Variants in NSD1 observed in about 807,000 individuals in gnomAD.
NSD1 encodes nuclear receptor binding SET domain protein 1.
Under a neutral mutation model 242.7 loss-of-function variants are expected in NSD1, and 26 were observed. The ratio of observed to expected loss-of-function variants is 0.11; its 90% CI spans 0.08 to 0.15. The LOEUF is 0.15. Ranked by LOEUF, NSD1 falls within the 10% of genes least tolerant of loss-of-function variation. The pLI is 1.00. For missense variants in NSD1, 2,495 were observed against 3,272.8 expected (o/e 0.76, Z 5.80); for synonymous variants, 1,106 against 1,178.1 (o/e 0.94, Z 1.25).
At position 177,210,934 on chromosome 5, in the gene NSD1, A is replaced by G; in HGVS notation, c.2535A>G (p.Lys845=). The G allele has an allele frequency of 6.2e-7, 1 of 1,614,210 alleles. No homozygotes were observed. The highest frequency in any genetic ancestry group is 8.5e-7 in the Non-Finnish European group (1 of 1,180,036). Residue 845 remains lysine, a synonymous_variant, in exon 5 of 23, where the codon AAA becomes AAG. Transcript: ENST00000439151. The part of the protein sequence containing the change: ...GLKLLNNMHE[K]TRDSSDIETA... Reference sequence around the variant, plus strand: ...AACTACTGAACAATATGCATGAGAAAACCAGGGATTCAAGTGACATAGAAA... The same window carrying G: ...AACTACTGAACAATATGCATGAGAAGACCAGGGATTCAAGTGACATAGAAA...
chr5:177,280,726 A>G lies in NSD1; in HGVS notation c.5784A>G (p.Gly1928=). The change falls in exon 18 of 23, where the codon GGA becomes GGG. Residue 1928 remains glycine, a synonymous_variant. Coordinates refer to ENST00000439151, the MANE Select transcript of NSD1 (RefSeq NM_022455.5). Reference sequence around the variant, plus strand: ...GCCACCCCACAGTGTGTCCTGCCGGAGGGCGCTGTCAAAACCAGTGCTTTT... The same window carrying G: ...GCCACCCCACAGTGTGTCCTGCCGGGGGGCGCTGTCAAAACCAGTGCTTTT... The part of the protein sequence containing the change: ...YECHPTVCPA[G]GRCQNQCFSK... 1.2e-6 allele frequency: 2 copies of G among 1,614,246 alleles called. No individual in the cohort carries two copies. Among genetic ancestry groups the G allele is most frequent in the Non-Finnish European group, 8.5e-7 (1 of 1,180,042 alleles).
rs377684553 is a variant in NSD1, at chr5:177,210,864, C to G, written c.2465C>G (p.Ser822Cys). ...LKCCSSDTKGSPLASISKSGK... is the reference protein window; with the variant it reads ...LKCCSSDTKGCPLASISKSGK... ...TGCTGCTCTTCTGATACCAAAGGCT[C>G]TCCTTTGGCCAGCATTTCTAAAAGT... Residue 822 changes from serine to cysteine, a missense_variant, in exon 5 of 23, where the codon TCT becomes TGT. By Grantham distance (112) the Ser-to-Cys change is moderately radical. Coordinates refer to ENST00000439151, the MANE Select transcript of NSD1 (RefSeq NM_022455.5). 34 of 1,614,086 alleles carry G rather than the reference C, an allele frequency of 2.1e-5. No individual in the cohort carries two copies. The highest frequency in any genetic ancestry group is 1.7e-4 in the African/African-American group (13 of 74,942).
In NSD1 at chr5:177,248,344, C is replaced by T. The variant is rs1157393489; in HGVS notation, c.4641+20C>T. On this transcript the variant is annotated intron_variant, in intron 11 of 22. Coordinates refer to ENST00000439151, the MANE Select transcript of NSD1 (RefSeq NM_022455.5). The stretch of plus-strand genomic sequence containing the variant: ...TGTCAGGTAGAGAAATGTTTGCCCA[C>T]TTGTGTTTTCATTGCATGTTCATCT... 6.2e-7 allele frequency: 1 copy of T among 1,611,066 alleles called. No homozygotes were observed. The highest frequency in any genetic ancestry group is 1.1e-5 in the South Asian group (1 of 90,468).
At chr5:177,198,042 C>T (rs1477835695) in intron 3 of NSD1, among the ~76,000 whole-genome samples, 1 of 152,058 alleles carries the variant, frequency 6.6e-6, no homozygotes, top group East Asian at 1.9e-4. Flanking sequence ...AAGAGTCTTG[C>T]TCTGTCACTC....
chr5:177,244,125 T>A, intron 8 of NSD1, 70 bp from the exon 9 acceptor site: 1 of 1,122,604 alleles, frequency 8.9e-7, no homozygotes, highest in Non-Finnish European at 1.3e-6. Context: ...CAATTCAGAC[T>A]TTGGCATATA....
chr5:177,211,337 C>A lies in NSD1; in HGVS notation c.2938C>A (p.Pro980Thr), dbSNP rs1331260775. 2 of 1,614,086 alleles carry A rather than the reference C, an allele frequency of 1.2e-6. No homozygotes were observed. Among genetic ancestry groups the A allele is most frequent in the East Asian group, 2.2e-5 (1 of 44,868 alleles). The change falls in exon 5 of 23, where the codon CCT becomes ACT. Residue 980 changes from proline to threonine, a missense_variant. By Grantham distance (38) the Pro-to-Thr change is conservative. Coordinates refer to ENST00000439151, the MANE Select transcript of NSD1 (RefSeq NM_022455.5). Reference sequence around the variant, plus strand: ...CACTCAGAACTCCGCCAATCCTAGCCCTAGTGGGGGTGACTCTGCATTATC... The same window carrying A: ...CACTCAGAACTCCGCCAATCCTAGCACTAGTGGGGGTGACTCTGCATTATC... ...DGTQNSANPS[P>T]SGGDSALSGE...
At chr5:177,138,960 T>C (rs1756579449) in intron 2 of NSD1, among the ~76,000 whole-genome samples, 1 of 147,342 alleles carries the variant, frequency 6.8e-6, no homozygotes, top group Non-Finnish European at 1.5e-5. Flanking sequence ...ACTTAAAAAG[T>C]GAGGTCAGGG....
chr5:177,174,612 G>T (rs1760025001), intron 2 of NSD1, among the ~76,000 whole-genome samples: 1 of 151,840 alleles, frequency 6.6e-6, no homozygotes, highest in Admixed American at 6.6e-5. Flanking sequence ...AGGCTGGAGT[G>T]CAATGGCGTG....
chr5:177,224,243 G>A (rs1340441490), intron 5 of NSD1, among the ~76,000 whole-genome samples: 1 of 152,112 alleles, frequency 6.6e-6, no homozygotes, highest in Non-Finnish European at 1.5e-5. Context: ...AATCTGTGGG[G>A]TAGTTTGCAT....
At chr5:177,159,898 T>A (rs113510039) in intron 2 of NSD1, among the ~76,000 whole-genome samples, 37 of 148,720 alleles carry the variant, frequency 2.5e-4, no homozygotes, top group South Asian at 8.5e-4. Flanking sequence ...CGAATATATT[T>A]TTTTTTTTTT....
intron 3 of NSD1, among the ~76,000 whole-genome samples, chr5:177,195,039 A>G (rs1761999994): frequency 1.3e-5 from 2 of 151,988 alleles, no homozygotes; most frequent in Non-Finnish European, 2.9e-5. Context: ...TGCTCCTACA[A>G]TCCCAGCTAC....
rs1294595822 is a variant in NSD1, at chr5:177,275,328, T to C, written c.5622+1544T>C. 6.6e-5 allele frequency among the ~76,000 whole-genome samples: 10 copies of C among 152,104 alleles called. No individual in the cohort carries two copies. In the South Asian group the frequency reaches 8.3e-4, roughly 13 times the overall value. On this transcript the variant is annotated intron_variant, in intron 17 of 22. Coordinates refer to ENST00000439151, the MANE Select transcript of NSD1 (RefSeq NM_022455.5). ...GTGTAGTAGACGGTCTTTTATACTT[T>C]TTTTAAACGACAATGCAGTACTTTG...
At chr5:177,167,483 C>G (rs945233429) in intron 2 of NSD1, among the ~76,000 whole-genome samples, 1 of 151,748 alleles carries the variant, frequency 6.6e-6, no homozygotes, top group Admixed American at 6.6e-5. Flanking sequence ...TGCGGTGAGC[C>G]GAGATCGCGC....
chr5:177,223,547 T>G (rs752034456), intron 5 of NSD1, among the ~76,000 whole-genome samples: 1 of 151,966 alleles, frequency 6.6e-6, no homozygotes, highest in Non-Finnish European at 1.5e-5. Flanking sequence ...CACTCTACCC[T>G]GGGCGACAGA....
At chr5:177,209,549 T>TTA in intron 4 of NSD1, 87 bp from the exon 5 acceptor site, 16 of 732,756 alleles carry the variant, frequency 2.2e-5, no homozygotes, top group Non-Finnish European at 2.7e-5. Flanking sequence ...AAAAAAGGAA[T>TTA]AAAAAAAAAA....
rs758006240 is a variant in NSD1 at position 177,298,666 on chromosome 5, G to A, written c.*3207G>A. 4.3e-6 allele frequency: 1 copy of A among 233,194 alleles called. No individual in the cohort carries two copies. Among genetic ancestry groups the A allele is most frequent in the Non-Finnish European group, 8.5e-6 (1 of 118,032 alleles). The allele number at this position is 233,194 out of a possible 1,614,324, so 14.4% of individuals were successfully genotyped here. A position where few individuals can be genotyped will look rare whatever the true frequency, so the allele number is the denominator to read the frequency against. On this transcript the variant is annotated 3_prime_UTR_variant, in exon 23 of 23. Coordinates refer to ENST00000439151, the MANE Select transcript of NSD1 (RefSeq NM_022455.5). Reference sequence around the variant, plus strand: ...TTTACATCCTTCACCCCACACTATGGTCAGGGCATGAAACACCCTGTTGAT... The same window carrying A: ...TTTACATCCTTCACCCCACACTATGATCAGGGCATGAAACACCCTGTTGAT...
intron 2 of NSD1, among the ~76,000 whole-genome samples, chr5:177,146,824 T>C (rs1210570028): frequency 6.6e-6 from 1 of 151,372 alleles, no homozygotes; most frequent in Non-Finnish European, 1.5e-5. Flanking sequence ...GCCAACATGG[T>C]GAAACCCCGT....
At chr5:177,158,285 CTTTCTTTCTTTCTTTCTTTTCTTTCTTTT>C (rs1758337171) in intron 2 of NSD1, among the ~76,000 whole-genome samples, 1 of 90,840 alleles carries the variant, frequency 1.1e-5, no homozygotes, top group African/African-American at 6.3e-5. Flanking sequence ...TTCTTTCTTT[CTTTCTTTCTTTCTTTCTTTTCTTTCTTTT>C]CTTTCTTTTC....
Position 177,150,226 on chromosome 5 carries a change from C to T in NSD1, c.927+14196C>T, listed in dbSNP as rs574962632. On this transcript the variant is annotated intron_variant, in intron 2 of 22. Transcript: ENST00000439151. ...TCGGCTCACTGCAACCTCCGCCTCCCGAGCTCAAGCGATTCTCCTGCCTCA... is the reference window on the plus strand; with the variant it reads ...TCGGCTCACTGCAACCTCCGCCTCCTGAGCTCAAGCGATTCTCCTGCCTCA... Among the ~76,000 whole-genome samples, 134 of 152,166 alleles carry T rather than the reference C, an allele frequency of 8.8e-4. 1 individual carries two copies. The highest frequency in any genetic ancestry group is 3.0e-3 in the African/African-American group (125 of 41,538).
Sources: gnomAD v4.1 joint callset for allele counts (sites outside exome capture counted in the v4.1 genomes callset) on GRCh38, gnomAD v4.1.1 for gene constraint, MANE v1.5 for transcripts, NCBI Gene and HGNC (gene_info 2026-07-23, HGNC 2026-07-21) for gene names.